DNAH17: variants seen among roughly 807,000 people sequenced by gnomAD.
DNAH17 encodes axonemal beta dynein heavy chain 17.
Under a neutral mutation model 485.6 loss-of-function variants are expected in DNAH17, and 376 were observed. That is an observed-to-expected ratio of 0.77 (90% CI 0.71 to 0.84). The LOEUF is 0.84. Ranked by LOEUF, DNAH17 falls within the 40% of genes least tolerant of loss-of-function variation. DNAH17 has a pLI of 0.00. For missense variants in DNAH17, 6,370 were observed against 5,839.3 expected (o/e 1.09, Z -2.96); for synonymous variants, 3,031 against 2,405.9 (o/e 1.26, Z -7.60).
chr17:78,515,825 T>C lies in DNAH17; in HGVS notation c.3865-803A>G, dbSNP rs375080151. Among the ~76,000 whole-genome samples the C allele has an allele frequency of 8.3e-4, 126 of 152,358 alleles. 1 individual carries two copies. Among genetic ancestry groups the C allele is most frequent in the African/African-American group, 2.9e-3 (122 of 41,588 alleles). Reference sequence around the variant, plus strand: ...ACTTTGCATGAATGAGAAATACACTTTTGTTCAGTACACAGAGATGTGTGG... The same window carrying C: ...ACTTTGCATGAATGAGAAATACACTCTTGTTCAGTACACAGAGATGTGTGG... On this transcript the variant is annotated intron_variant, in intron 25 of 80. Transcript: ENST00000389840.
intron 61 of DNAH17, 124 bp downstream of exon 61, chr17:78,458,877 T>C: frequency 1.7e-6 from 2 of 1,185,486 alleles, no homozygotes; most frequent in Non-Finnish European, 2.4e-6. Flanking sequence ...GCCTGCATCC[T>C]CTTGCACTGC....
intron 65 of DNAH17, among the ~76,000 whole-genome samples, chr17:78,452,255 G>T (rs1052666301): frequency 6.6e-6 from 1 of 152,064 alleles, no homozygotes; most frequent in African/African-American, 2.4e-5. Context: ...GGTGGCTCCT[G>T]TCAGCTCTGA....
chr17:78,520,946 G>A (rs1380475496), intron 25 of DNAH17, among the ~76,000 whole-genome samples: 1 of 152,140 alleles, frequency 6.6e-6, no homozygotes, highest in Non-Finnish European at 1.5e-5. Flanking sequence ...AGGATAAAGT[G>A]GGAGGAATCG....
At chr17:78,540,075 G>A (rs1254611139) in intron 17 of DNAH17, among the ~76,000 whole-genome samples, 195 bp from the exon 18 acceptor site, 2 of 152,084 alleles carry the variant, frequency 1.3e-5, no homozygotes, top group Non-Finnish European at 2.9e-5. Flanking sequence ...TTCTTGCTGG[G>A]TCTGGCTTCC....
At chr17:78,565,974 C>G (rs544218965) in intron 11 of DNAH17, among the ~76,000 whole-genome samples, 1 of 151,364 alleles carries the variant, frequency 6.6e-6, no homozygotes, top group African/African-American at 2.4e-5. Context: ...ACAACAAAAA[C>G]AAAACAAAAC....
Position 78,567,280 on chromosome 17 carries a change from G to T in DNAH17, c.1285-114C>A. 2.7e-6 allele frequency: 3 copies of T among 1,103,490 alleles called. No homozygotes were observed. In the South Asian group the frequency reaches 4.2e-5, roughly 16 times the overall value. 68.4% of individuals were successfully genotyped at this position (1,103,490 alleles called of 1,614,324 possible). On this transcript the variant is annotated intron_variant, in intron 9 of 80. Transcript: ENST00000389840. The stretch of plus-strand genomic sequence containing the variant: ...GAGCTGGGGAGCAAAATGTCCCCAG[G>T]AGACACCAACCATGGGGGTGGGAGG...
At chr17:78,557,288 CA>C (rs1396197954) in intron 14 of DNAH17, among the ~76,000 whole-genome samples, 1 of 151,980 alleles carries the variant, frequency 6.6e-6, no homozygotes, top group African/African-American at 2.4e-5. Flanking sequence ...TAATATTATC[CA>C]AAATTTGTTC....
chr17:78,501,132 G>A, intron 35 of DNAH17, 52 bp downstream of exon 35: 1 of 1,514,058 alleles, frequency 6.6e-7, no homozygotes, highest in Non-Finnish European at 8.9e-7. Context: ...CAAGAATCAT[G>A]CGGAAGGGAC....
chr17:78,510,788 C>A (rs540335350), intron 26 of DNAH17: 5 of 357,930 alleles, frequency 1.4e-5, no homozygotes, highest in Non-Finnish European at 2.1e-5. Flanking sequence ...AGAACCTTCA[C>A]GTGTCACCTT....
intron 57 of DNAH17, among the ~76,000 whole-genome samples, chr17:78,462,611 G>A (rs1404160729): frequency 2.0e-5 from 3 of 152,304 alleles, no homozygotes; most frequent in Middle Eastern, 3.4e-3. Flanking sequence ...TGTGTAATGC[G>A]CCCTCCATAC....
chr17:78,461,802 G>C, intron 57 of DNAH17, 94 bp from the exon 58 acceptor site: 1 of 1,243,328 alleles, frequency 8.0e-7, no homozygotes, highest in South Asian at 1.5e-5. Flanking sequence ...GCCACAGAGG[G>C]GCAGAACGGC....
rs1230301270 is a variant in DNAH17, at chr17:78,462,381, G to A, written c.9174+463C>T. Among the ~76,000 whole-genome samples the A allele has an allele frequency of 2.6e-5, 4 of 152,240 alleles. No homozygotes were observed. In the Middle Eastern group the frequency reaches 0.01, roughly 388 times the overall value. The stretch of plus-strand genomic sequence containing the variant: ...CAGGCCCCCTCACAGGGTGTCAATG[G>A]TGGGCAATAAAGATGAAGGAGCCGG... On this transcript the variant is annotated intron_variant, in intron 57 of 80. Coordinates refer to ENST00000389840, the MANE Select transcript of DNAH17 (RefSeq NM_173628.4).
At chr17:78,439,058 G>A (rs756060675) in intron 73 of DNAH17, 32 bp downstream of exon 73, 1 of 1,607,238 alleles carries the variant, frequency 6.2e-7, no homozygotes, top group Non-Finnish European at 8.5e-7. Context: ...AGTGCGGGGA[G>A]CCCTTACCCT....
In DNAH17 at chr17:78,506,954, T is replaced by G. The variant is rs1182776849; in HGVS notation, c.4677-108A>C. On this transcript the variant is annotated intron_variant, in intron 29 of 80. Transcript: ENST00000389840. The stretch of plus-strand genomic sequence containing the variant: ...CTGATCATCCTGGAGATGCCTGGAC[T>G]GCTGTTCACAGGCCTGGTTTAATTC... 21 of 1,459,064 alleles carry G rather than the reference T, an allele frequency of 1.4e-5. No homozygotes were observed. The South Asian group carries it at 1.7e-4, about 12-fold the overall frequency. The allele number at this position is 1,459,064 out of a possible 1,614,324, so 90.4% of individuals were successfully genotyped here. A position where few individuals can be genotyped will look rare whatever the true frequency, so the allele number is the denominator to read the frequency against.
chr17:78,457,560 G>A (rs960251125), intron 62 of DNAH17, among the ~76,000 whole-genome samples: 5 of 151,020 alleles, frequency 3.3e-5, no homozygotes, highest in African/African-American at 9.8e-5. Flanking sequence ...AAATTTTTTT[G>A]TAGAGATGGG....
At chr17:78,503,182 T>A in intron 31 of DNAH17, 171 bp from the exon 32 acceptor site, 2 of 647,620 alleles carry the variant, frequency 3.1e-6, no homozygotes, top group Non-Finnish European at 4.4e-6. Context: ...TTTTTTTTTT[T>A]TTTTTTTTTT....
chr17:78,541,392 G>A (rs1343203170), intron 17 of DNAH17, among the ~76,000 whole-genome samples: 3 of 148,934 alleles, frequency 2.0e-5, no homozygotes, highest in Non-Finnish European at 4.5e-5. Flanking sequence ...TGGATGGATG[G>A]ATGGATGGGT....
At position 78,575,041 on chromosome 17, in the gene DNAH17, T is replaced by C; in HGVS notation, c.17A>G (p.Asp6Gly). The part of the protein sequence containing the change: MTMAP[D>G]VRLEYLEEVA... ...TTCCTCCAGATACTCTAGTCTGACG[T>C]CCGGGGCCATTGTCATCTTGGCCTT... Residue 6 changes from aspartate to glycine, a missense_variant, in exon 2 of 81, where the codon GAC (aspartate) becomes GGC (glycine). Transcript: ENST00000389840. 1 of 1,613,056 alleles carries C rather than the reference T, an allele frequency of 6.2e-7. No individual in the cohort carries two copies. The highest frequency in any genetic ancestry group is 1.1e-5 in the South Asian group (1 of 90,972).
intron 6 of DNAH17, among the ~76,000 whole-genome samples, chr17:78,570,626 G>A (rs1019364731): frequency 3.9e-4 from 59 of 152,186 alleles, no homozygotes; most frequent in Non-Finnish European, 2.5e-4. Flanking sequence ...TTGGGAGGCC[G>A]AGGTGGGCGG....
Sources: allele counts gnomAD v4.1 joint callset (sites outside exome capture counted in the v4.1 genomes callset), GRCh38; gene constraint gnomAD v4.1.1; transcripts MANE v1.5; gene names NCBI Gene and HGNC (gene_info 2026-07-23, HGNC 2026-07-21).